The following ADIPOR2 variants were observed in gnomAD, a reference collection of about 807,000 sequenced individuals.
ADIPOR2 encodes the protein adiponectin receptor protein 2.
A neutral mutation model predicts 40.9 loss-of-function variants in ADIPOR2; 18 were observed. The observed-to-expected ratio is 0.44, with a 90% CI of 0.30 to 0.65. The LOEUF is 0.65. Ranked by LOEUF, ADIPOR2 falls within the 30% of genes least tolerant of loss-of-function variation. The pLI is 0.09. For synonymous variants in ADIPOR2, 165 were observed against 166.4 expected, an observed-to-expected ratio of 0.99 and a Z score of 0.06; for missense variants, 283 against 479.2, an observed-to-expected ratio of 0.59 and a Z score of 3.82.
Position 1,754,546 on chromosome 12 carries a change from G to A in ADIPOR2, c.171+32G>A, listed in dbSNP as rs1298046846. 4 of 1,568,790 alleles carry A rather than the reference G, an allele frequency of 2.5e-6. No individual in the cohort carries two copies. The South Asian group carries it at 3.6e-5, about 14-fold the overall frequency. On this transcript the variant is annotated intron_variant, in intron 2 of 7. Coordinates refer to ENST00000357103, the MANE Select transcript of ADIPOR2 (RefSeq NM_024551.3). ...CAAATTGGAAGAATGATAAACAAAG[G>A]AAAAAATGTGGAGGAAGTGGCAGAG...
At chr12:1,752,831 T>C (rs1862029685) in intron 1 of ADIPOR2, among the ~76,000 whole-genome samples, 5 of 152,248 alleles carry the variant, frequency 3.3e-5, no homozygotes, top group Admixed American at 3.3e-4. Context: ...TTGTGAGCTT[T>C]AAATAATATA....
chr12:1,764,927 T>C (rs1229809323), intron 2 of ADIPOR2, among the ~76,000 whole-genome samples: 1 of 152,200 alleles, frequency 6.6e-6, no homozygotes, highest in African/African-American at 2.4e-5. Context: ...CCAATTTTTA[T>C]TTTATTTATA....
chr12:1,702,311 T>TA lies in ADIPOR2; in HGVS notation c.-87+11121dup, dbSNP rs554318931. ...TGAAATGAAGCCCTCTATGGTGAAT[T>TA]ACCCAGAAGTGCAATTATTGGGCTG... On this transcript the variant is annotated intron_variant, in intron 1 of 7. Coordinates refer to ENST00000357103, the MANE Select transcript of ADIPOR2 (RefSeq NM_024551.3). 1.2e-4 allele frequency among the ~76,000 whole-genome samples: 19 copies of TA among 152,324 alleles called. No homozygotes were observed. The South Asian group carries it at 3.9e-3, about 32-fold the overall frequency.
At chr12:1,780,328 T>A in intron 4 of ADIPOR2, 123 bp from the exon 5 acceptor site, 1 of 1,074,268 alleles carries the variant, frequency 9.3e-7, no homozygotes, top group Non-Finnish European at 1.3e-6. Flanking sequence ...TTGGAAGATT[T>A]TTCTCATTGA....
chr12:1,784,073 G>A lies in ADIPOR2; in HGVS notation c.1032G>A (p.Trp344Ter). The change falls in exon 7 of 8, where the codon TGG becomes TGA. Residue 344 changes from tryptophan to a stop codon, truncating the protein, a stop_gained and splice_region_variant. Transcript: ENST00000357103. LOFTEE classifies it high-confidence loss of function. ...TTTTCCCTGGCAAATGTGACATCTG[G>A]GTAAGTATGTCGGGGTGACTGAGTG... ...ERFFPGKCDI[W>*]FHSHQLFHIF... is the part of the protein sequence containing the mutation. 6.3e-7 allele frequency: 1 copy of A among 1,581,484 alleles called. No individual in the cohort carries two copies. The highest frequency in any genetic ancestry group is 8.6e-7 in the Non-Finnish European group (1 of 1,160,068).
At chr12:1,748,099 G>C (rs568811644) in intron 1 of ADIPOR2, among the ~76,000 whole-genome samples, 217 of 151,754 alleles carry the variant, frequency 1.4e-3, no homozygotes, top group Non-Finnish European at 2.6e-3. Context: ...CCAATTTACT[G>C]TTGAGCCCCC....
intron 1 of ADIPOR2, among the ~76,000 whole-genome samples, chr12:1,724,188 G>A (rs1390044155): frequency 6.6e-6 from 1 of 152,020 alleles, no homozygotes; most frequent in Non-Finnish European, 1.5e-5. Context: ...TCACTGTGTT[G>A]GCCAGGCTGG....
At chr12:1,710,295 A>G (rs751899011) in intron 1 of ADIPOR2, among the ~76,000 whole-genome samples, 1 of 152,100 alleles carries the variant, frequency 6.6e-6, no homozygotes, top group African/African-American at 2.4e-5. Context: ...GCTCTTCACA[A>G]TAAATCTTGC....
chr12:1,757,381 C>T (rs1321304118), intron 2 of ADIPOR2: 2 of 717,162 alleles, frequency 2.8e-6, no homozygotes, highest in Non-Finnish European at 5.1e-6. Flanking sequence ...AAGCTGTTTC[C>T]ATTGGCATCT....
chr12:1,761,875 A>T (rs190135893), intron 2 of ADIPOR2, among the ~76,000 whole-genome samples: 1 of 152,244 alleles, frequency 6.6e-6, no homozygotes, highest in Admixed American at 6.5e-5. Context: ...TCTTAAAAAT[A>T]TAAAGTTTAT....
intron 2 of ADIPOR2, among the ~76,000 whole-genome samples, chr12:1,765,158 G>GA (rs1862351215): frequency 6.6e-6 from 1 of 151,846 alleles, no homozygotes; most frequent in South Asian, 2.1e-4. Flanking sequence ...ATATTAGTTT[G>GA]AAAAAAATAC....
At chr12:1,698,206 TTGTG>T (rs35927419) in intron 1 of ADIPOR2, among the ~76,000 whole-genome samples, 35,072 of 147,840 alleles carry the variant, frequency 0.24, 5,284 homozygotes, top group African/African-American at 0.45. Flanking sequence ...TCTTGGCTGA[TTGTG>T]TGTGTGTGTG....
intron 1 of ADIPOR2, among the ~76,000 whole-genome samples, chr12:1,732,136 G>A (rs2094721797): frequency 1.3e-5 from 2 of 152,106 alleles, no homozygotes; most frequent in African/African-American, 4.8e-5. Context: ...CATTAGTGTG[G>A]TACATTTGTT....
intron 1 of ADIPOR2, among the ~76,000 whole-genome samples, chr12:1,746,040 A>C (rs191915537): frequency 1.1e-3 from 169 of 152,174 alleles, no homozygotes; most frequent in Admixed American, 3.3e-4. Context: ...TTCCTTCCTC[A>C]TCTTCCTGAT....
intron 2 of ADIPOR2, among the ~76,000 whole-genome samples, chr12:1,770,270 C>T (rs1862469560): frequency 6.6e-6 from 1 of 152,162 alleles, no homozygotes; most frequent in Non-Finnish European, 1.5e-5. Flanking sequence ...TACTGAGTCA[C>T]ATTGATTCGG....
At chr12:1,738,115 G>A (rs1177429589) in intron 1 of ADIPOR2, among the ~76,000 whole-genome samples, 1 of 149,440 alleles carries the variant, frequency 6.7e-6, no homozygotes, top group Non-Finnish European at 1.5e-5. Flanking sequence ...GCTCTTGCCT[G>A]TAGTCCCAGT....
chr12:1,730,053 G>A (rs958483326), intron 1 of ADIPOR2, among the ~76,000 whole-genome samples: 9 of 152,036 alleles, frequency 5.9e-5, no homozygotes, highest in Non-Finnish European at 1.0e-4. Context: ...TTAAGTGACT[G>A]TATTACAACA....
chr12:1,698,698 T>A (rs2094644304), intron 1 of ADIPOR2, among the ~76,000 whole-genome samples: 1 of 152,246 alleles, frequency 6.6e-6, no homozygotes, highest in African/African-American at 2.4e-5. Context: ...CCATACATTT[T>A]ATGTATATTT....
rs748587883 is a variant in ADIPOR2, at chr12:1,780,435, G to A, written c.464-16G>A. On this transcript the variant is annotated splice_polypyrimidine_tract_variant and intron_variant, in intron 4 of 7. Transcript: ENST00000357103. ...AAGGGTGATATTTTATCTATTTTCT[G>A]TGCTCTTTTTCCTAGGTTGTGTATT... is the stretch of plus-strand genomic sequence containing the variant. 1 of 1,580,562 alleles carries A rather than the reference G, an allele frequency of 6.3e-7. No homozygotes were observed. The highest frequency in any genetic ancestry group is 8.6e-7 in the Non-Finnish European group (1 of 1,166,202).
Sources: allele counts gnomAD v4.1 joint callset (sites outside exome capture counted in the v4.1 genomes callset), GRCh38; gene constraint gnomAD v4.1.1; transcripts MANE v1.5; gene names NCBI Gene and HGNC (gene_info 2026-07-23, HGNC 2026-07-21).